Variants in SHLD1 observed in about 807,000 individuals in gnomAD.
SHLD1 encodes the protein RINN1-REV7-interacting novel NHEJ regulator 3.
In SHLD1, 3 loss-of-function variants were observed where a neutral mutation model predicts 5.5. The ratio of observed to expected loss-of-function variants is 0.54; its 90% CI spans 0.25 to 1.40. SHLD1 has a LOEUF of 1.40. Among genes scored for constraint, SHLD1 ranks in the 40% most tolerant of loss-of-function variants. The pLI is 0.15. For synonymous variants in SHLD1, 92 were observed against 94.3 expected (o/e 0.98, Z 0.14); for missense variants, 210 against 244.4 (o/e 0.86, Z 0.94).
intron 2 of SHLD1, among the ~76,000 whole-genome samples, chr20:5,788,348 G>A (rs1488116337): frequency 2.0e-5 from 3 of 152,170 alleles, no homozygotes; most frequent in Non-Finnish European, 4.4e-5. Flanking sequence ...ATTAGGGATT[G>A]TAAAATGCAG....
chr20:5,781,379 C>T (rs967340973), intron 2 of SHLD1, among the ~76,000 whole-genome samples: 1 of 152,158 alleles, frequency 6.6e-6, no homozygotes, highest in Non-Finnish European at 1.5e-5. Flanking sequence ...GCCTGCGGGA[C>T]AGAGTGAGAC....
rs2088193944 is a variant in SHLD1, at chr20:5,863,644, G to A, written c.*181G>A. ...ATTGGAGCCAGTCAGCCCATATGGA[G>A]AGCCAGCAGGGTCTGGGAGTTCTCC... On this transcript the variant is annotated 3_prime_UTR_variant, in exon 3 of 3. Transcript: ENST00000303142. The A allele has an allele frequency of 8.3e-6, 5 of 601,528 alleles. No individual in the cohort carries two copies. The highest frequency in any genetic ancestry group is 1.1e-5 in the Non-Finnish European group (4 of 358,312). 37.3% of individuals were successfully genotyped at this position (601,528 alleles called of 1,614,324 possible).
At chr20:5,801,135 TGGTGC>T (rs2087288422) in intron 2 of SHLD1, among the ~76,000 whole-genome samples, 1 of 149,910 alleles carries the variant, frequency 6.7e-6, no homozygotes, top group Non-Finnish European at 1.5e-5. Flanking sequence ...TGGAGTGCAG[TGGTGC>T]GATCTTGGCT....
chr20:5,818,076 T>G (rs2087560595), intron 2 of SHLD1, among the ~76,000 whole-genome samples: 1 of 151,976 alleles, frequency 6.6e-6, no homozygotes, highest in Admixed American at 6.5e-5. Context: ...TTTCTTTTTC[T>G]TTCTTTTTTT....
At chr20:5,860,016 T>G (rs991932921) in intron 2 of SHLD1, among the ~76,000 whole-genome samples, 1 of 152,208 alleles carries the variant, frequency 6.6e-6, no homozygotes, top group African/African-American at 2.4e-5. Context: ...CGTGGACAGT[T>G]TTGAGGGTTC....
At chr20:5,849,707 C>T (rs1388705549) in intron 2 of SHLD1, among the ~76,000 whole-genome samples, 2 of 152,118 alleles carry the variant, frequency 1.3e-5, no homozygotes, top group Non-Finnish European at 2.9e-5. Context: ...CGCCTGTAAT[C>T]CCAGCACTTT....
At chr20:5,802,789 C>T (rs1317137442) in intron 2 of SHLD1, among the ~76,000 whole-genome samples, 4 of 151,926 alleles carry the variant, frequency 2.6e-5, no homozygotes, top group Non-Finnish European at 5.9e-5. Flanking sequence ...TGGGACTACA[C>T]ATGTGCGCCA....
chr20:5,818,507 G>A (rs977374166), intron 2 of SHLD1, among the ~76,000 whole-genome samples: 6 of 152,206 alleles, frequency 3.9e-5, no homozygotes, highest in Non-Finnish European at 5.9e-5. Context: ...CAGGGATCCT[G>A]TACCCATTTT....
chr20:5,847,732 T>C (rs1270358115), intron 2 of SHLD1, among the ~76,000 whole-genome samples: 1 of 152,182 alleles, frequency 6.6e-6, no homozygotes, highest in African/African-American at 2.4e-5. Context: ...TCTGACAATA[T>C]CAGAATTTGG....
chr20:5,763,670 T>C (rs2122207186), intron 1 of SHLD1, among the ~76,000 whole-genome samples: 1 of 152,300 alleles, frequency 6.6e-6, no homozygotes, highest in African/African-American at 2.4e-5. Flanking sequence ...AATTCATCTT[T>C]GGAAAAAGGC....
chr20:5,857,903 T>C (rs954262551), intron 2 of SHLD1, among the ~76,000 whole-genome samples: 2 of 150,986 alleles, frequency 1.3e-5, no homozygotes, highest in Non-Finnish European at 3.0e-5. Flanking sequence ...ATCGAGACCA[T>C]CCCGGCTAAC....
Position 5,807,047 on chromosome 20 carries a change from C to T in SHLD1, c.178+34004C>T, listed in dbSNP as rs6139838. Among the ~76,000 whole-genome samples the T allele has an allele frequency of 1.3e-3, 192 of 152,364 alleles. 2 individuals carry two copies. The East Asian group carries it at 0.035, about 28-fold the overall frequency. On this transcript the variant is annotated intron_variant, in intron 2 of 2. Coordinates refer to ENST00000303142, the MANE Select transcript of SHLD1 (RefSeq NM_152504.4). ...GAGCCAGGCCCATGCCCACTGCTTTCAGCTGGAGCCCTGCAGGGCTTTGCC... is the reference window on the plus strand; with the variant it reads ...GAGCCAGGCCCATGCCCACTGCTTTTAGCTGGAGCCCTGCAGGGCTTTGCC...
chr20:5,767,066 GA>G (rs1284519304), intron 1 of SHLD1, among the ~76,000 whole-genome samples: 1 of 152,066 alleles, frequency 6.6e-6, no homozygotes, highest in African/African-American at 2.4e-5. Context: ...CCCAGTCACC[GA>G]AACTGTCTCT....
chr20:5,776,173 C>T lies in SHLD1; in HGVS notation c.178+3130C>T, dbSNP rs193220109. Among the ~76,000 whole-genome samples, 415 of 152,092 alleles carry T rather than the reference C, an allele frequency of 2.7e-3. 4 individuals are homozygous for T. The highest frequency in any genetic ancestry group is 9.4e-3 in the African/African-American group (388 of 41,480). On this transcript the variant is annotated intron_variant, in intron 2 of 2. Coordinates refer to ENST00000303142, the MANE Select transcript of SHLD1 (RefSeq NM_152504.4). The stretch of plus-strand genomic sequence containing the variant: ...AACTCCTGACCTCAAGTGATCCACC[C>T]GCTGTGGTCATCCCAGGCATGAGCC...
At chr20:5,839,038 G>A (rs1026996978) in intron 2 of SHLD1, among the ~76,000 whole-genome samples, 1 of 152,148 alleles carries the variant, frequency 6.6e-6, no homozygotes, top group Non-Finnish European at 1.5e-5. Flanking sequence ...TTGGACTGTG[G>A]CTCATGCTAG....
At chr20:5,772,237 C>G (rs1226031773) in intron 1 of SHLD1, 1 of 446,032 alleles carries the variant, frequency 2.2e-6, no homozygotes, top group Admixed American at 2.4e-5. Context: ...ATCTGACTTG[C>G]TGGCATCACT....
At chr20:5,785,744 C>G (rs6053686) in intron 2 of SHLD1, among the ~76,000 whole-genome samples, 1 of 146,056 alleles carries the variant, frequency 6.8e-6, no homozygotes, top group African/African-American at 2.5e-5. Context: ...TGCAGTGAGC[C>G]GAGACTGTGC....
At chr20:5,766,961 T>A (rs926489351) in intron 1 of SHLD1, among the ~76,000 whole-genome samples, 1 of 152,096 alleles carries the variant, frequency 6.6e-6, no homozygotes, top group African/African-American at 2.4e-5. Flanking sequence ...GTTCTGACTG[T>A]CGTTTTAACA....
chr20:5,844,797 A>ATTTTT (rs1332769444), intron 2 of SHLD1, among the ~76,000 whole-genome samples: 52 of 95,184 alleles, frequency 5.5e-4, no homozygotes, highest in East Asian at 3.3e-3. Flanking sequence ...ATATATATAT[A>ATTTTT]TATTTTTTTT....
Sources: gnomAD v4.1 joint callset for allele counts (sites outside exome capture counted in the v4.1 genomes callset) on GRCh38, gnomAD v4.1.1 for gene constraint, MANE v1.5 for transcripts, NCBI Gene and HGNC (gene_info 2026-07-23, HGNC 2026-07-21) for gene names.